The following GPC3 variants were observed in gnomAD, a reference collection of about 807,000 sequenced individuals.
The protein encoded by GPC3 is glypican 3.
In GPC3, 3 loss-of-function variants were observed where a neutral mutation model predicts 34.4. The observed-to-expected ratio is 0.09, with a 90% CI of 0.04 to 0.23. The LOEUF (loss-of-function observed/expected upper bound fraction) is 0.23, where lower values mean the gene tolerates loss of function less well. GPC3 is among the 10% of genes least tolerant of loss of function. GPC3 has a pLI of 1.00. For missense variants in GPC3, 351 were observed against 445.6 expected (o/e 0.79, Z 1.91); for synonymous variants, 177 against 174.0 (o/e 1.02, Z -0.13).
At chrX:133,776,444 A>G (rs1169852103) in intron 2 of GPC3, among the ~76,000 whole-genome samples, 1 of 111,327 alleles carries the variant, frequency 9.0e-6, no homozygotes, top group East Asian at 2.8e-4. Flanking sequence ...CCATATTTTT[A>G]CTCACTTTCA....
chrX:133,912,723 T>C (rs2076206479), intron 2 of GPC3, among the ~76,000 whole-genome samples: 1 of 111,234 alleles, frequency 9.0e-6, no homozygotes, highest in Non-Finnish European at 1.9e-5. Context: ...GAGATTGAAA[T>C]GGAAAAATAA....
At chrX:133,932,475 C>A (rs1033098534) in intron 2 of GPC3, among the ~76,000 whole-genome samples, 1 of 111,759 alleles carries the variant, frequency 8.9e-6, no homozygotes, top group African/African-American at 3.3e-5. Flanking sequence ...AGGTAGAAAT[C>A]TGAATGGTAG....
In GPC3 at chrX:133,619,996, G is replaced by A. The variant is rs746282264; in HGVS notation, c.1414-23397C>T. On this transcript the variant is annotated intron_variant, in intron 6 of 7. Transcript: ENST00000370818. ...AGCACTTTGGGAGGCTGAGGTGGGC[G>A]GATCATGATGTCAGGAGATCAAGAC... 1.0e-4 allele frequency among the ~76,000 whole-genome samples: 11 copies of A among 109,536 alleles called. No individual in the cohort carries two copies. The South Asian group carries it at 2.4e-3, about 24-fold the overall frequency.
At position 133,610,876 on chromosome X, in the gene GPC3, A is replaced by G. The variant is rs1180613158; in HGVS notation, c.1414-14277T>C. On this transcript the variant is annotated intron_variant, in intron 6 of 7. Transcript: ENST00000370818. ...AAGTTACAGACTGGAATGGTAAGTG[A>G]GTTAGAAAGGACCTGAGAGAGCACA... 4.7e-5 allele frequency among the ~76,000 whole-genome samples: 5 copies of G among 106,983 alleles called. No individual in the cohort carries two copies. In the East Asian group the frequency reaches 1.5e-3, roughly 31 times the overall value. 92.9% of individuals were successfully genotyped at this position (106,983 alleles called of 115,157 possible).
intron 2 of GPC3, among the ~76,000 whole-genome samples, chrX:133,775,627 T>C (rs187186992): frequency 1.0e-3 from 112 of 111,634 alleles, no homozygotes; most frequent in African/African-American, 3.3e-3. Flanking sequence ...AGTAATTACA[T>C]GGTCTTTCCC....
At chrX:133,586,459 C>A (rs2069789388) in intron 7 of GPC3, among the ~76,000 whole-genome samples, 1 of 111,589 alleles carries the variant, frequency 9.0e-6, no homozygotes, top group South Asian at 3.8e-4. Flanking sequence ...GACATTTGAT[C>A]TCTAAAAGAA....
intron 2 of GPC3, among the ~76,000 whole-genome samples, chrX:133,804,271 G>C (rs1450101642): frequency 1.8e-5 from 2 of 111,433 alleles, no homozygotes; most frequent in Non-Finnish European, 3.8e-5. Context: ...CGCTAACCTG[G>C]CTGCAAATCG....
In GPC3 at chrX:133,985,401, T is replaced by A. The variant is rs2076563807; in HGVS notation, c.49A>T (p.Ser17Cys). ...TACLVVAMLL[S>C]LDFPGQAQPP... ...TGCGCCTGTCCCGGGAAGTCCAAGC[T>A]GAGCAGCATCGCCACCACCAAGCAC... Residue 17 changes from serine (S) to cysteine (C), a missense_variant, in exon 1 of 8, where the codon AGC becomes TGC. Coordinates refer to ENST00000370818, the MANE Select transcript of GPC3 (RefSeq NM_004484.4). The A allele has an allele frequency of 5.0e-6, 6 of 1,189,685 alleles. No individual in the cohort carries two copies. The highest frequency in any genetic ancestry group is 3.4e-6 in the Non-Finnish European group (3 of 884,488).
In GPC3 at chrX:133,535,917, A is replaced by G; in HGVS notation, c.*207T>C. The G allele has an allele frequency of 2.3e-6, 1 of 428,588 alleles. No homozygotes were observed. Among genetic ancestry groups the G allele is most frequent in the Non-Finnish European group, 4.1e-6 (1 of 246,832 alleles). 35.3% of individuals were successfully genotyped at this position (428,588 alleles called of 1,213,427 possible). A position where few individuals can be genotyped will look rare whatever the true frequency, so the allele number is the denominator to read the frequency against. ...TTCTTTCTTTGCAAAAGGACAATCTATATGCTACCACTAAAATGTATCTTC... is the reference window on the plus strand; with the variant it reads ...TTCTTTCTTTGCAAAAGGACAATCTGTATGCTACCACTAAAATGTATCTTC... On this transcript the variant is annotated 3_prime_UTR_variant, in exon 8 of 8. Transcript: ENST00000370818.
At chrX:133,614,059 C>T (rs191700691) in intron 6 of GPC3, among the ~76,000 whole-genome samples, 41 of 110,164 alleles carry the variant, frequency 3.7e-4, no homozygotes, top group Middle Eastern at 4.7e-3. Flanking sequence ...TGAGACAATT[C>T]GGTATGAGGA....
At chrX:133,824,905 GTGGCGCGA>G (rs2075738737) in intron 2 of GPC3, among the ~76,000 whole-genome samples, 1 of 112,461 alleles carries the variant, frequency 8.9e-6, no homozygotes, top group Non-Finnish European at 1.9e-5. Context: ...CTGGAGTGCA[GTGGCGCGA>G]TCTCAGCTCA....
chrX:133,679,677 CA>C (rs1481512647), intron 5 of GPC3, among the ~76,000 whole-genome samples: 1 of 110,648 alleles, frequency 9.0e-6, no homozygotes, highest in Non-Finnish European at 1.9e-5. Flanking sequence ...TTTTTTGAGA[CA>C]GGGGATCACT....
chrX:133,916,457 A>T (rs2076225452), intron 2 of GPC3, among the ~76,000 whole-genome samples: 1 of 111,935 alleles, frequency 8.9e-6, no homozygotes, highest in African/African-American at 3.3e-5. Context: ...GTTAACAGGT[A>T]TTATACCAAT....
intron 2 of GPC3, among the ~76,000 whole-genome samples, chrX:133,902,966 C>T (rs752165288): frequency 2.7e-5 from 3 of 110,777 alleles, no homozygotes; most frequent in South Asian, 3.8e-4. Flanking sequence ...CATTTTAGGC[C>T]GGGTGCGGTA....
intron 2 of GPC3, among the ~76,000 whole-genome samples, chrX:133,780,883 A>C (rs988012377): frequency 1.6e-4 from 18 of 111,693 alleles, no homozygotes; most frequent in African/African-American, 5.2e-4. Context: ...GTTTAGTATC[A>C]TTATAGTCTA....
In GPC3 at chrX:133,978,248, T is replaced by A. The variant is rs1367871052; in HGVS notation, c.175+7027A>T. Among the ~76,000 whole-genome samples the A allele has an allele frequency of 8.0e-5, 9 of 112,414 alleles. No homozygotes were observed. In the Admixed American group the frequency reaches 8.5e-4, roughly 11 times the overall value. On this transcript the variant is annotated intron_variant, in intron 1 of 7. Coordinates refer to ENST00000370818, the MANE Select transcript of GPC3 (RefSeq NM_004484.4). ...ATGCCCAGCCTGGATTATGTCCTTT[T>A]AAATGTACATTTATGAAGCTTGATG...
chrX:133,861,703 G>A (rs1355841307), intron 2 of GPC3, among the ~76,000 whole-genome samples: 2 of 110,836 alleles, frequency 1.8e-5, no homozygotes, highest in African/African-American at 6.6e-5. Context: ...TGTCCTAGTT[G>A]ATACTGAGTT....
intron 2 of GPC3, among the ~76,000 whole-genome samples, chrX:133,818,116 C>T (rs760204695): frequency 3.5e-4 from 39 of 111,388 alleles, no homozygotes; most frequent in African/African-American, 1.2e-3. Context: ...ATCTGGCCTT[C>T]GTGTAAAGCA....
intron 2 of GPC3, among the ~76,000 whole-genome samples, chrX:133,905,737 G>A (rs763690021): frequency 1.0e-3 from 115 of 111,511 alleles, no homozygotes; most frequent in Non-Finnish European, 1.6e-3. Context: ...GATTTGACCA[G>A]TTCTGAAGAA....
Sources: allele counts gnomAD v4.1 joint callset (sites outside exome capture counted in the v4.1 genomes callset), GRCh38; gene constraint gnomAD v4.1.1; transcripts MANE v1.5; gene names NCBI Gene and HGNC (gene_info 2026-07-23, HGNC 2026-07-21).